The following CEACAM21 variants were observed in gnomAD, a reference collection of about 807,000 sequenced individuals.
CEACAM21 encodes CEA cell adhesion molecule 21.
CEACAM21 carries 38 observed loss-of-function variants against 33.2 expected under a neutral mutation model. That is an observed-to-expected ratio of 1.14 (90% CI 0.88 to 1.50). The LOEUF (loss-of-function observed/expected upper bound fraction) is 1.50, where lower values mean the gene tolerates loss of function less well. Among genes scored for constraint, CEACAM21 ranks in the 40% most tolerant of loss-of-function variants. The pLI is 0.00. For synonymous variants in CEACAM21, 156 were observed against 143.0 expected (o/e 1.09, Z -0.65); for missense variants, 385 against 364.6 (o/e 1.06, Z -0.46).
At chr19:41,583,042 C>T (rs1445866684) in intron 3 of CEACAM21, among the ~76,000 whole-genome samples, 1 of 152,214 alleles carries the variant, frequency 6.6e-6, no homozygotes, top group African/African-American at 2.4e-5. Context: ...CCAAACCATA[C>T]CTTTGTAAAT....
At position 41,577,240 on chromosome 19, in the gene CEACAM21, G is replaced by T; in HGVS notation, c.105G>T (p.Trp35Cys). 1.2e-6 allele frequency: 2 copies of T among 1,614,038 alleles called. No homozygotes were observed. Among genetic ancestry groups the T allele is most frequent in the Non-Finnish European group, 1.7e-6 (2 of 1,180,004 alleles). The part of the protein sequence containing the change: ...LTFWNAPTTA[W>C]LFIASAPFEV... ...TCTGGAACGCACCCACCACTGCCTG[G>T]CTCTTTATTGCATCAGCGCCCTTTG... The change falls in exon 2 of 7, where the codon TGG becomes TGT. Residue 35 changes from tryptophan (W) to cysteine (C), a missense_variant. Trp to Cys is a radical substitution (Grantham distance 215). Transcript: ENST00000401445.
At chr19:41,556,429 A>G (rs1408217761) in intron 1 of CEACAM21, among the ~76,000 whole-genome samples, 6 of 152,370 alleles carry the variant, frequency 3.9e-5, no homozygotes, top group Non-Finnish European at 8.8e-5. Context: ...GAGGCAAAAG[A>G]GAAAATCCAG....
chr19:41,551,332 T>C (rs915892602), intron 1 of CEACAM21: 1 of 152,164 alleles, frequency 6.6e-6, no homozygotes, highest in Non-Finnish European at 1.5e-5. Flanking sequence ...GTGAACTTTG[T>C]ATTTTTAGTA....
chr19:41,576,922 C>T (rs552682438), intron 1 of CEACAM21, among the ~76,000 whole-genome samples: 5 of 152,210 alleles, frequency 3.3e-5, no homozygotes, highest in East Asian at 3.9e-4. Context: ...GGAGGCTTCA[C>T]GAAAGAAGTC....
intron 1 of CEACAM21, among the ~76,000 whole-genome samples, chr19:41,557,843 T>C (rs992948052): frequency 5.3e-5 from 8 of 152,216 alleles, no homozygotes; most frequent in African/African-American, 1.9e-4. Flanking sequence ...CTACATTTGA[T>C]CCCTCTACTT....
upstream of CEACAM21, among the ~76,000 whole-genome samples, chr19:41,573,300 G>A (rs1197118604): frequency 1.3e-5 from 2 of 152,126 alleles, no homozygotes; most frequent in African/African-American, 2.4e-5. Flanking sequence ...TGGAATACTC[G>A]GGGCCTCTTA....
intron 1 of CEACAM21, among the ~76,000 whole-genome samples, chr19:41,561,269 C>T (rs1190081019): frequency 2.0e-5 from 3 of 151,906 alleles, no homozygotes; most frequent in South Asian, 4.2e-4. Context: ...TCCCAGGTAT[C>T]GGGGATTACA....
In CEACAM21 at chr19:41,585,504, C is replaced by A; in HGVS notation, c.850+9C>A. Reference sequence around the variant, plus strand: ...CCCAGCCTCCACCCCCGGTGAGTGTCCCTTCAGTCTGGGTGTGGCTGGGAA... The same window carrying A: ...CCCAGCCTCCACCCCCGGTGAGTGTACCTTCAGTCTGGGTGTGGCTGGGAA... On this transcript the variant is annotated intron_variant, in intron 5 of 6. Transcript: ENST00000401445. 1 of 1,613,724 alleles carries A rather than the reference C, an allele frequency of 6.2e-7. No individual in the cohort carries two copies. The highest frequency in any genetic ancestry group is 8.5e-7 in the Non-Finnish European group (1 of 1,179,716).
At chr19:41,569,908 C>A (rs1006695138) in intron 2 of CEACAM21, among the ~76,000 whole-genome samples, 1 of 152,170 alleles carries the variant, frequency 6.6e-6, no homozygotes, top group Non-Finnish European at 1.5e-5. Flanking sequence ...CCTCCCACAC[C>A]CCCAGCCTGA....
intron 3 of CEACAM21, among the ~76,000 whole-genome samples, chr19:41,582,824 G>T (rs2043515193): frequency 6.6e-6 from 1 of 152,168 alleles, no homozygotes; most frequent in Admixed American, 6.5e-5. Flanking sequence ...TGATGGAAGG[G>T]GCTTCCAGGA....
In CEACAM21 at chr19:41,586,510, A is replaced by T. The variant is rs782266539; in HGVS notation, c.*47A>T. 7.9e-6 allele frequency: 5 copies of T among 633,404 alleles called. No individual in the cohort carries two copies. Among genetic ancestry groups the T allele is most frequent in the Non-Finnish European group, 1.5e-5 (5 of 330,078 alleles). 39.2% of individuals were successfully genotyped at this position (633,404 alleles called of 1,614,324 possible). On this transcript the variant is annotated 3_prime_UTR_variant, in exon 7 of 7. Transcript: ENST00000401445. The stretch of plus-strand genomic sequence containing the variant: ...AACATTTACTGCTGGATCGACCACA[A>T]AGCAGATGTGGCTTCTTAGGTTCCT...
rs367601217 is a variant in CEACAM21 at position 41,585,405 on chromosome 19, A to C, written c.798-38A>C. ...ATTTTAACTCCAATTTGTGACTTTT[A>C]ACCTTGCACCTTCACAAATAACCCT... On this transcript the variant is annotated intron_variant, in intron 4 of 6. Coordinates refer to ENST00000401445, the MANE Select transcript of CEACAM21 (RefSeq NM_001098506.4). 20 of 1,610,892 alleles carry C rather than the reference A, an allele frequency of 1.2e-5. No homozygotes were observed. The African/African-American group carries it at 2.1e-4, about 17-fold the overall frequency.
chr19:41,563,340 G>A (rs1555787370), intron 1 of CEACAM21, among the ~76,000 whole-genome samples: 1 of 152,190 alleles, frequency 6.6e-6, no homozygotes. Flanking sequence ...CCCCGGGACA[G>A]GGGCCTTGGC....
chr19:41,581,121 C>T (rs1453293936), intron 3 of CEACAM21, among the ~76,000 whole-genome samples: 2 of 152,232 alleles, frequency 1.3e-5, no homozygotes, highest in Admixed American at 1.3e-4. Context: ...GTAACATGTT[C>T]ATAATGGCCC....
At chr19:41,576,494 C>A (rs1422084641) in intron 1 of CEACAM21, among the ~76,000 whole-genome samples, 156 bp downstream of exon 1, 5 of 148,174 alleles carry the variant, frequency 3.4e-5, no homozygotes, top group African/African-American at 1.0e-4. Flanking sequence ...TCTAAGTGAA[C>A]TGGAATTGCC....
At position 41,568,348 on chromosome 19, in the gene CEACAM21, A is replaced by G. The variant is rs544760713; in HGVS notation, c.-404+3292A>G. On this transcript the variant is annotated intron_variant, in intron 2 of 7. Coordinates refer to the CEACAM21 transcript ENST00000407170. ...TATGCTGTTGAGATTTTATCCAAAAACTCTTTGCCTAGACCAATGTCATGG... is the reference window on the plus strand; with the variant it reads ...TATGCTGTTGAGATTTTATCCAAAAGCTCTTTGCCTAGACCAATGTCATGG... Among the ~76,000 whole-genome samples, 3 of 151,748 alleles carry G rather than the reference A, an allele frequency of 2.0e-5. No homozygotes were observed. The South Asian group carries it at 6.3e-4, about 32-fold the overall frequency.
intron 2 of CEACAM21, among the ~76,000 whole-genome samples, chr19:41,569,943 C>A (rs1433257981): frequency 6.6e-6 from 1 of 152,212 alleles, no homozygotes; most frequent in Non-Finnish European, 1.5e-5. Context: ...GGGTGGCTGA[C>A]ACCTGTCCCT....
intron 1 of CEACAM21, among the ~76,000 whole-genome samples, chr19:41,560,518 C>T (rs2041818992): frequency 6.6e-6 from 1 of 152,104 alleles, no homozygotes; most frequent in Non-Finnish European, 1.5e-5. Context: ...ATAACTTTGA[C>T]CCCCAAACCA....
chr19:41,555,694 C>T (rs2041486546), intron 1 of CEACAM21, among the ~76,000 whole-genome samples: 1 of 149,350 alleles, frequency 6.7e-6, no homozygotes, highest in East Asian at 1.9e-4. Context: ...AGAAACATGT[C>T]TTCAAGGCTA....
Sources: allele counts gnomAD v4.1 joint callset (sites outside exome capture counted in the v4.1 genomes callset), GRCh38; gene constraint gnomAD v4.1.1; transcripts MANE v1.5; gene names NCBI Gene and HGNC (gene_info 2026-07-23, HGNC 2026-07-21).